The following TDRD7 variants were observed in gnomAD, a reference collection of about 807,000 sequenced individuals.
TDRD7 encodes tudor domain containing 7.
Under a neutral mutation model 109.8 loss-of-function variants are expected in TDRD7, and 47 were observed. The observed-to-expected ratio is 0.43, with a 90% CI of 0.34 to 0.55. The LOEUF is 0.55. Among genes scored for constraint, TDRD7 ranks in the 20% least tolerant of loss-of-function variants. The probability of loss-of-function intolerance (pLI) is 0.03; values close to 1 mark genes in which losing one functional copy is unlikely to be tolerated. For missense variants in TDRD7, 1,164 were observed against 1,319.2 expected, an observed-to-expected ratio of 0.88 and a Z score of 1.82; for synonymous variants, 424 against 457.3, an observed-to-expected ratio of 0.93 and a Z score of 0.93.
In TDRD7 at chr9:97,472,387, T is replaced by C; in HGVS notation, c.1836T>C (p.Ala612=). The C allele has an allele frequency of 1.2e-6, 2 of 1,613,962 alleles. No homozygotes were observed. Among genetic ancestry groups the C allele is most frequent in the Non-Finnish European group, 1.7e-6 (2 of 1,179,866 alleles). The part of the protein sequence containing the change: ...KIFAVEILDK[A]DIPLVVLYDT... ...TTGCAGTGGAAATACTTGACAAAGC[T>C]GACATTCCACTTGTTGTTCTGTACG... Residue 612 remains alanine, a synonymous_variant, in exon 10 of 17, where the codon GCT becomes GCC. Transcript: ENST00000355295.
intron 8 of TDRD7, among the ~76,000 whole-genome samples, chr9:97,467,460 T>G (rs1471886855): frequency 6.6e-6 from 1 of 152,244 alleles, no homozygotes; most frequent in Non-Finnish European, 1.5e-5. Flanking sequence ...ACTTCCCTGA[T>G]TGCTTATCTG....
chr9:97,483,239 A>G lies in TDRD7; in HGVS notation c.2803A>G (p.Ile935Val), dbSNP rs776953670. 2 of 1,613,600 alleles carry G rather than the reference A, an allele frequency of 1.2e-6. No individual in the cohort carries two copies. Among genetic ancestry groups the G allele is most frequent in the South Asian group, 2.2e-5 (2 of 91,056 alleles). The change falls in exon 15 of 17, where the codon ATA becomes GTA. Residue 935 changes from isoleucine (I) to valine (V), a missense_variant. Ile to Val is a conservative substitution (Grantham distance 29). Coordinates refer to ENST00000355295, the MANE Select transcript of TDRD7 (RefSeq NM_014290.3). ...CTTCGTCATCCAGCCTTGGCAGGAG[A>G]TACATAAGTTGGAAGTTCTGATGGA... ...GYFVIQPWQE[I>V]HKLEVLMEEM...
At chr9:97,420,442 C>G (rs1827881311) in intron 1 of TDRD7, among the ~76,000 whole-genome samples, 1 of 152,018 alleles carries the variant, frequency 6.6e-6, no homozygotes, top group Non-Finnish European at 1.5e-5. Flanking sequence ...TATAGCCAAT[C>G]ACCTCCCCTT....
chr9:97,433,375 A>C (rs1828137746), intron 4 of TDRD7, among the ~76,000 whole-genome samples: 1 of 151,950 alleles, frequency 6.6e-6, no homozygotes, highest in Admixed American at 6.6e-5. Context: ...TAAAACACAG[A>C]TCTTGACCCA....
chr9:97,413,318 A>G (rs1827754343), intron 1 of TDRD7, among the ~76,000 whole-genome samples: 1 of 152,246 alleles, frequency 6.6e-6, no homozygotes. Flanking sequence ...CCTGGATTGA[A>G]ATCTGGGCTT....
intron 6 of TDRD7, among the ~76,000 whole-genome samples, chr9:97,447,747 A>G (rs1828426353): frequency 6.6e-6 from 1 of 151,974 alleles, no homozygotes; most frequent in Non-Finnish European, 1.5e-5. Flanking sequence ...TAATGAGAGC[A>G]AGGAATGTGT....
intron 8 of TDRD7, among the ~76,000 whole-genome samples, chr9:97,467,002 C>T (rs535440305): frequency 1.9e-4 from 29 of 152,286 alleles, no homozygotes; most frequent in Admixed American, 3.3e-4. Context: ...GGTCACTGGA[C>T]CAAAGGAGAA....
chr9:97,486,459 C>G (rs995013173), intron 15 of TDRD7, among the ~76,000 whole-genome samples: 1 of 152,098 alleles, frequency 6.6e-6, no homozygotes, highest in African/African-American at 2.4e-5. Context: ...TACTCCACCT[C>G]CCTCATACTC....
intron 1 of TDRD7, among the ~76,000 whole-genome samples, chr9:97,428,147 C>T (rs1272859180): frequency 6.6e-6 from 1 of 152,158 alleles, no homozygotes; most frequent in Non-Finnish European, 1.5e-5. Context: ...CCCAGCCCCA[C>T]AGCCCACCCT....
chr9:97,437,728 A>C (rs1828230444), intron 4 of TDRD7, among the ~76,000 whole-genome samples: 1 of 152,194 alleles, frequency 6.6e-6, no homozygotes, highest in Admixed American at 6.6e-5. Context: ...GGCACATAGT[A>C]TGTCTTAAAT....
intron 1 of TDRD7, among the ~76,000 whole-genome samples, chr9:97,425,789 A>T (rs1379494656): frequency 6.6e-6 from 1 of 152,224 alleles, no homozygotes; most frequent in Non-Finnish European, 1.5e-5. Context: ...TTGCCTAACG[A>T]CAGGGATATG....
chr9:97,459,778 C>G (rs1347409666), intron 6 of TDRD7, among the ~76,000 whole-genome samples: 2 of 152,116 alleles, frequency 1.3e-5, no homozygotes, highest in African/African-American at 4.8e-5. Flanking sequence ...TAAATATTTT[C>G]TAGTTTTCTT....
At chr9:97,440,813 T>C (rs553659948) in intron 5 of TDRD7, among the ~76,000 whole-genome samples, 4 of 152,320 alleles carry the variant, frequency 2.6e-5, no homozygotes, top group Non-Finnish European at 4.4e-5. Context: ...CTCAGATCTG[T>C]ATCTCAGTGA....
intron 13 of TDRD7, 181 bp downstream of exon 13, chr9:97,478,754 T>C (rs1829066566): frequency 1.3e-6 from 1 of 772,988 alleles, no homozygotes; most frequent in Admixed American, 2.1e-5. Flanking sequence ...AGAAGACCAG[T>C]CATATTTACA....
chr9:97,473,548 C>G lies in TDRD7; in HGVS notation c.2001C>G (p.Leu667=), dbSNP rs764337688. ...KVTNICSDGT[L]YCQVPCKGLN... is the part of the protein sequence containing the mutation. ...CTAATATTTGCTCTGATGGGACACT[C>G]TACTGCCAGGTGCCTTGTAAGGGTC... is the stretch of plus-strand genomic sequence containing the variant. Residue 667 remains leucine (L), a synonymous_variant, in exon 11 of 17, where the codon CTC becomes CTG. Transcript: ENST00000355295. 1.3e-5 allele frequency: 21 copies of G among 1,613,740 alleles called. No individual in the cohort carries two copies. The highest frequency in any genetic ancestry group is 6.7e-5 in the Admixed American group (4 of 59,960).
At chr9:97,430,874 C>G in intron 2 of TDRD7, 59 bp from the exon 3 acceptor site, 2 of 1,610,326 alleles carry the variant, frequency 1.2e-6, no homozygotes, top group African/African-American at 2.7e-5. Context: ...AAGAACTGGC[C>G]TCTAGGCAAC....
At chr9:97,463,993 A>G (rs1198753743) in intron 7 of TDRD7, among the ~76,000 whole-genome samples, 1 of 152,220 alleles carries the variant, frequency 6.6e-6, no homozygotes, top group Admixed American at 6.5e-5. Flanking sequence ...GTGTACTCAC[A>G]GCTTTGTTTT....
chr9:97,470,618 A>G lies in TDRD7; in HGVS notation c.1690A>G (p.Asn564Asp), dbSNP rs754728007. The change falls in exon 9 of 17, where the codon AAC (asparagine) becomes GAC (aspartate). Residue 564 changes from asparagine to aspartate, a missense_variant. By Grantham distance (23) the Asn-to-Asp change is conservative. Around this residue, in one of 5 missense-constraint regions of TDRD7, gnomAD observed 261 missense variants for 336.2 expected, o/e 0.78. Coordinates refer to ENST00000355295, the MANE Select transcript of TDRD7 (RefSeq NM_014290.3). ...NVEKSKAYKLNPKFCSLSFQA... is the reference protein window; with the variant it reads ...NVEKSKAYKLDPKFCSLSFQA... ...TGAAAAAAGCAAAGCATACAAATTA[A>G]ACCCGAAGTTTTGTTCACTCTCATT... The G allele has an allele frequency of 2.5e-6, 4 of 1,614,004 alleles. No individual in the cohort carries two copies. The Admixed American group carries it at 6.7e-5, about 27-fold the overall frequency.
chr9:97,468,859 TAG>T (rs559996999), intron 8 of TDRD7, among the ~76,000 whole-genome samples: 1 of 151,824 alleles, frequency 6.6e-6, no homozygotes, highest in South Asian at 2.1e-4. Flanking sequence ...CCCAGGACAT[TAG>T]AGAGAGAGAG....
Sources: gnomAD v4.1 joint callset for allele counts (sites outside exome capture counted in the v4.1 genomes callset) on GRCh38, gnomAD v4.1.1 for gene constraint, gnomAD v4.1.1 regional missense constraint, MANE v1.5 for transcripts, NCBI Gene and HGNC (gene_info 2026-07-23, HGNC 2026-07-21) for gene names.